The following PHLDA2 variants were observed in gnomAD, a reference collection of about 807,000 sequenced individuals.
The protein encoded by PHLDA2 is pleckstrin homology-like domain family A member 2.
A neutral mutation model predicts 5.9 loss-of-function variants in PHLDA2; 5 were observed. The observed-to-expected ratio is 0.85, with a 90% CI of 0.44 to 1.78. The LOEUF (loss-of-function observed/expected upper bound fraction) is 1.78, where lower values mean the gene tolerates loss of function less well. PHLDA2 is among the 40% of genes most tolerant of loss of function. PHLDA2 has a pLI of 0.02. For synonymous variants in PHLDA2, 111 were observed against 102.7 expected (o/e 1.08, Z -0.49); for missense variants, 216 against 228.3 (o/e 0.95, Z 0.35).
intron 1 of PHLDA2, 37 bp downstream of exon 1, chr11:2,928,859 G>A (rs763184811): frequency 1.5e-6 from 2 of 1,298,182 alleles, no homozygotes; most frequent in African/African-American, 3.1e-5. Flanking sequence ...CCGGCTGTTA[G>A]GGCGCAGGGC....
Position 2,929,112 on chromosome 11 carries a change from C to G in PHLDA2, c.253G>C (p.Ala85Pro). ...TDHKEIDFRC[A>P]GESCWNAAIA... ...GCCGCGTTCCAGCAGCTCTCGCCCG[C>G]GCAGCGGAAGTCGATCTCCTTGTGG... Residue 85 changes from alanine to proline, a missense_variant, in exon 1 of 2, where the codon GCG (alanine) becomes CCG (proline). By Grantham distance (27) the Ala-to-Pro change is conservative. Transcript: ENST00000314222. The surrounding 1 kb of genome is among the most constrained non-coding windows in gnomAD (Gnocchi z 8.3). 1 of 1,612,168 alleles carries G rather than the reference C, an allele frequency of 6.2e-7. No individual in the cohort carries two copies. Among genetic ancestry groups the G allele is most frequent in the African/African-American group, 1.3e-5 (1 of 74,898 alleles).
Position 2,929,007 on chromosome 11 carries a change from C to G in PHLDA2, c.358G>C (p.Ala120Pro). Residue 120 changes from alanine to proline, a missense_variant, in exon 1 of 2, where the codon GCC (alanine) becomes CCC (proline). Coordinates refer to ENST00000314222, the MANE Select transcript of PHLDA2 (RefSeq NM_003311.4). The surrounding 1 kb of genome is among the most constrained non-coding windows in gnomAD (Gnocchi z 8.3). ...FRSRQERTAP[A>P]APAEDAVAAA... ...GCCACGGCGTCCTCGGCGGGTGCGG[C>G]GGGTGCGGTGCGTTCCTGGCGGCTG... is the stretch of plus-strand genomic sequence containing the variant. 2 of 1,511,988 alleles carry G rather than the reference C, an allele frequency of 1.3e-6. No individual in the cohort carries two copies. The highest frequency in any genetic ancestry group is 1.8e-6 in the Non-Finnish European group (2 of 1,136,086). 93.7% of individuals were successfully genotyped at this position (1,511,988 alleles called of 1,614,324 possible). A position where few individuals can be genotyped will look rare whatever the true frequency, so the allele number is the denominator to read the frequency against.
At chr11:2,928,780 C>T in intron 1 of PHLDA2, 113 bp from the exon 2 acceptor site, 2 of 797,698 alleles carry the variant, frequency 2.5e-6, no homozygotes, top group South Asian at 5.4e-5. Flanking sequence ...GCGCCGGGTC[C>T]CCCAAGGAGG....
chr11:2,928,793 C>CA (rs1850470444), intron 1 of PHLDA2, 103 bp downstream of exon 1: 2 of 890,754 alleles, frequency 2.2e-6, no homozygotes, highest in Non-Finnish European at 3.1e-6. Context: ...CAAGGAGGTG[C>CA]AGCGCCCCCG....
chr11:2,928,552 C>T lies in PHLDA2; in HGVS notation c.*126G>A, dbSNP rs563296393. 1.2e-4 allele frequency: 45 copies of T among 362,066 alleles called. No individual in the cohort carries two copies. The highest frequency in any genetic ancestry group is 8.6e-4 in the African/African-American group (41 of 47,598). 22.4% of individuals were successfully genotyped at this position (362,066 alleles called of 1,614,324 possible). On this transcript the variant is annotated 3_prime_UTR_variant, in exon 2 of 2. Coordinates refer to ENST00000314222, the MANE Select transcript of PHLDA2 (RefSeq NM_003311.4). ...ACATAGATATTAGATAGTCCAATAA[C>T]TTAAGGCGCCCGTGCAACGGAGCGA...
Position 2,928,989 on chromosome 11 carries a change from C to G in PHLDA2, c.376G>C (p.Ala126Pro). 6.4e-7 allele frequency: 1 copy of G among 1,556,416 alleles called. No individual in the cohort carries two copies. The highest frequency in any genetic ancestry group is 8.6e-7 in the Non-Finnish European group (1 of 1,161,766). Residue 126 changes from alanine to proline, a missense_variant, in exon 1 of 2, where the codon GCC (alanine) becomes CCC (proline). Physicochemically the swap from Ala to Pro is conservative, Grantham distance 27. Transcript: ENST00000314222. The stretch of plus-strand genomic sequence containing the variant: ...GGTGCGGCGGCCGCGGCAGCCACGG[C>G]GTCCTCGGCGGGTGCGGCGGGTGCG... ...RTAPAAPAEDAVAAAAAAPSE... is the reference protein window; with the variant it reads ...RTAPAAPAEDPVAAAAAAPSE...
chr11:2,929,397 G>A lies in PHLDA2; in HGVS notation c.-33C>T, dbSNP rs1200724847. The A allele has an allele frequency of 1.9e-6, 3 of 1,544,362 alleles. No homozygotes were observed. Among genetic ancestry groups the A allele is most frequent in the African/African-American group, 1.4e-5 (1 of 71,848 alleles). The stretch of plus-strand genomic sequence containing the variant: ...CGAGCGCGGGACTGGGAGCGGCAAT[G>A]CGGGCGGTGACGGCGCCGGCTCTGC... On this transcript the variant is annotated 5_prime_UTR_variant, in exon 1 of 2. Transcript: ENST00000314222. The surrounding 1 kb of genome is among the most constrained non-coding windows in gnomAD (Gnocchi z 8.3).
Position 2,929,051 on chromosome 11 carries a change from C to T in PHLDA2, c.314G>A (p.Arg105His), listed in dbSNP as rs149887098. ...ALALIDFQNR[R>H]ALQDFRSRQE... is the part of the protein sequence containing the mutation. ...GCGGCTGCGAAAGTCCTGCAGGGCG[C>T]GGCGGTTCTGGAAATCGATGAGCGC... is the stretch of plus-strand genomic sequence containing the variant. The change falls in exon 1 of 2, where the codon CGC (arginine) becomes CAC (histidine). Residue 105 changes from arginine to histidine, a missense_variant. Transcript: ENST00000314222. This position sits in a 1 kb window ranked among gnomAD's most constrained non-coding sequence, Gnocchi z 8.3. 7.5e-6 allele frequency: 12 copies of T among 1,606,862 alleles called. No individual in the cohort carries two copies. In the African/African-American group the frequency reaches 1.3e-4, roughly 18 times the overall value.
At chr11:2,928,750 G>A (rs1250523326) in intron 1 of PHLDA2, 83 bp from the exon 2 acceptor site, 1 of 609,764 alleles carries the variant, frequency 1.6e-6, no homozygotes, top group African/African-American at 2.0e-5. Flanking sequence ...CTGACGCGAG[G>A]GGGCCAGCGC....
At position 2,928,772 on chromosome 11, in the gene PHLDA2, G is replaced by A. The variant is rs1044455620; in HGVS notation, c.*11-105C>T. 9 of 727,944 alleles carry A rather than the reference G, an allele frequency of 1.2e-5. No individual in the cohort carries two copies. In the African/African-American group the frequency reaches 1.3e-4, roughly 11 times the overall value. The allele number at this position is 727,944 out of a possible 1,614,324, so 45.1% of individuals were successfully genotyped here. A position where few individuals can be genotyped will look rare whatever the true frequency, so the allele number is the denominator to read the frequency against. ...GAGGGGGCCAGCGCGATTGCGGGGC[G>A]CCGGGTCCCCCAAGGAGGTGCAGCG... is the stretch of plus-strand genomic sequence containing the variant. On this transcript the variant is annotated intron_variant, in intron 1 of 1. Transcript: ENST00000314222.
rs1449874986 is a variant in PHLDA2, at chr11:2,929,049, C to A, written c.316G>T (p.Ala106Ser). The A allele has an allele frequency of 1.2e-6, 2 of 1,605,480 alleles. No homozygotes were observed. The highest frequency in any genetic ancestry group is 1.3e-5 in the African/African-American group (1 of 74,428). Residue 106 changes from alanine (A) to serine (S), a missense_variant, in exon 1 of 2, where the codon GCC (alanine) becomes TCC (serine). Ala to Ser is a moderately conservative substitution (Grantham distance 99). Coordinates refer to ENST00000314222, the MANE Select transcript of PHLDA2 (RefSeq NM_003311.4). This position sits in a 1 kb window ranked among gnomAD's most constrained non-coding sequence, Gnocchi z 8.3. The part of the protein sequence containing the change: ...LALIDFQNRR[A>S]LQDFRSRQER... ...TGGCGGCTGCGAAAGTCCTGCAGGG[C>A]GCGGCGGTTCTGGAAATCGATGAGC...
chr11:2,928,753 G>T (rs896101035), intron 1 of PHLDA2, 86 bp from the exon 2 acceptor site: 3 of 623,604 alleles, frequency 4.8e-6, no homozygotes, highest in Non-Finnish European at 5.0e-6. Context: ...ACGCGAGGGG[G>T]CCAGCGCGAT....
rs1332824054 is a variant in PHLDA2, at chr11:2,928,646, C to T, written c.*32G>A. 2.3e-6 allele frequency: 1 copy of T among 430,682 alleles called. No homozygotes were observed. Among genetic ancestry groups the T allele is most frequent in the Non-Finnish European group, 4.0e-6 (1 of 248,352 alleles). 26.7% of individuals were successfully genotyped at this position (430,682 alleles called of 1,614,324 possible). A position where few individuals can be genotyped will look rare whatever the true frequency, so the allele number is the denominator to read the frequency against. ...GCGCCGGCCACGTCCTAGCCTCGGT[C>T]CGACTCGTCCAGCGTATGGCCCTGT... On this transcript the variant is annotated 3_prime_UTR_variant, in exon 2 of 2. Coordinates refer to ENST00000314222, the MANE Select transcript of PHLDA2 (RefSeq NM_003311.4).
chr11:2,928,856 T>C lies in PHLDA2; in HGVS notation c.*10+40A>G, dbSNP rs200896318. 1,295 of 1,274,898 alleles carry C rather than the reference T, an allele frequency of 1.0e-3. 9 individuals are homozygous for C. In the African/African-American group the frequency reaches 0.018, roughly 17 times the overall value. 79.0% of individuals were successfully genotyped at this position (1,274,898 alleles called of 1,614,324 possible). Reference sequence around the variant, plus strand: ...TTCCCAAAGGCCCCGGTCCCGGCTGTTAGGGCGCAGGGCTCGCCGGGACGC... The same window carrying C: ...TTCCCAAAGGCCCCGGTCCCGGCTGCTAGGGCGCAGGGCTCGCCGGGACGC... On this transcript the variant is annotated intron_variant, in intron 1 of 1. Transcript: ENST00000314222.
rs760852306 is a variant in PHLDA2 at position 2,929,206 on chromosome 11, G to A, written c.159C>T (p.His53=). ...PRARPKELRF[H]SILKVDCVER... is the part of the protein sequence containing the mutation. ...CCACGCAGTCCACCTTGAGGATGGA[G>A]TGGAAGCGCAGCTCCTTGGGGCGCG... Residue 53 remains histidine (H), a synonymous_variant, in exon 1 of 2, where the codon CAC becomes CAT. Coordinates refer to ENST00000314222, the MANE Select transcript of PHLDA2 (RefSeq NM_003311.4). The surrounding 1 kb of genome is among the most constrained non-coding windows in gnomAD (Gnocchi z 8.3). 1.2e-6 allele frequency: 2 copies of A among 1,612,598 alleles called. No homozygotes were observed. The highest frequency in any genetic ancestry group is 4.5e-5 in the East Asian group (2 of 44,836).
Position 2,928,671 on chromosome 11 carries a change from TG to T in PHLDA2, c.*11-5del. 1 of 456,236 alleles carries T rather than the reference TG, an allele frequency of 2.2e-6. No homozygotes were observed. Among genetic ancestry groups the T allele is most frequent in the Non-Finnish European group, 3.8e-6 (1 of 263,932 alleles). The allele number at this position is 456,236 out of a possible 1,614,324, so 28.3% of individuals were successfully genotyped here. A position where few individuals can be genotyped will look rare whatever the true frequency, so the allele number is the denominator to read the frequency against. ...CCGACTCGTCCAGCGTATGGCCCTG[TG>T]GGGAAAGGACTGGGTCAGAGAGCTG... is the stretch of plus-strand genomic sequence containing the variant. On this transcript the variant is annotated splice_polypyrimidine_tract_variant and splice_region_variant and intron_variant, in intron 1 of 1. Coordinates refer to ENST00000314222, the MANE Select transcript of PHLDA2 (RefSeq NM_003311.4).
At position 2,929,279 on chromosome 11, in the gene PHLDA2, C is replaced by A; in HGVS notation, c.86G>T (p.Gly29Val). 6.2e-7 allele frequency: 1 copy of A among 1,610,770 alleles called. No individual in the cohort carries two copies. The highest frequency in any genetic ancestry group is 8.5e-7 in the Non-Finnish European group (1 of 1,179,270). Residue 29 changes from glycine (G) to valine (V), a missense_variant, in exon 1 of 2, where the codon GGG (glycine) becomes GTG (valine). Transcript: ENST00000314222. This position sits in a 1 kb window ranked among gnomAD's most constrained non-coding sequence, Gnocchi z 8.3. ...GCTCAGGCGGTCGGAGGTGAGCACC[C>A]CGCGCTTCTTCTTCCATAGCTGGAA... ...SLFQLWKKKR[G>V]VLTSDRLSLF...
intron 1 of PHLDA2, 60 bp downstream of exon 1, chr11:2,928,836 A>G: frequency 1.6e-6 from 2 of 1,216,158 alleles, no homozygotes; most frequent in South Asian, 2.1e-5. Context: ...GGTTTTTCCC[A>G]AAGGCCCCGG....
rs748476753 is a variant in PHLDA2, at chr11:2,929,197, G to C, written c.168C>G (p.Leu56=). ...RPKELRFHSI[L]KVDCVERTGK... ...CCGTGCGCTCCACGCAGTCCACCTT[G>C]AGGATGGAGTGGAAGCGCAGCTCCT... The change falls in exon 1 of 2, where the codon CTC becomes CTG. Residue 56 remains leucine, a synonymous_variant. Transcript: ENST00000314222. The surrounding 1 kb of genome is among the most constrained non-coding windows in gnomAD (Gnocchi z 8.3). 2.5e-6 allele frequency: 4 copies of C among 1,612,656 alleles called. No individual in the cohort carries two copies. Among genetic ancestry groups the C allele is most frequent in the African/African-American group, 1.3e-5 (1 of 74,986 alleles).
Sources: allele counts gnomAD v4.1 joint callset, GRCh38; gene constraint gnomAD v4.1.1; non-coding constraint Gnocchi (gnomAD v3.1); transcripts MANE v1.5; gene names NCBI Gene and HGNC (gene_info 2026-07-23, HGNC 2026-07-21).